KIFAP3: variants seen among roughly 807,000 people sequenced by gnomAD.
The protein encoded by KIFAP3 is kinesin associated protein 3.
KIFAP3 carries 68 observed loss-of-function variants against 106.5 expected under a neutral mutation model. That is an observed-to-expected ratio of 0.64 (90% CI 0.53 to 0.78). The LOEUF (loss-of-function observed/expected upper bound fraction) is 0.78, where lower values mean the gene tolerates loss of function less well. Ranked by LOEUF, KIFAP3 falls within the 30% of genes least tolerant of loss-of-function variation. The pLI, the probability that KIFAP3 is intolerant of heterozygous loss-of-function variation, is 0.00. For missense variants in KIFAP3, 780 were observed against 941.8 expected (o/e 0.83, Z 2.25); for synonymous variants, 320 against 311.5 (o/e 1.03, Z -0.29).
intron 9 of KIFAP3, 68 bp from the exon 10 acceptor site, chr1:170,016,692 T>C: frequency 1.0e-6 from 1 of 995,150 alleles, no homozygotes; most frequent in Non-Finnish European, 1.4e-6. Flanking sequence ...AATATAATTA[T>C]TTTTTCTTTG....
At chr1:170,030,272 A>T (rs1669333407) in intron 8 of KIFAP3, among the ~76,000 whole-genome samples, 1 of 151,972 alleles carries the variant, frequency 6.6e-6, no homozygotes, top group African/African-American at 2.4e-5. Context: ...AAAGTTATGA[A>T]GGCACACTTC....
At chr1:170,070,563 T>C (rs1671655984) in intron 1 of KIFAP3, among the ~76,000 whole-genome samples, 1 of 152,140 alleles carries the variant, frequency 6.6e-6, no homozygotes, top group African/African-American at 2.4e-5. Flanking sequence ...AGTCAATTGT[T>C]CTTTTCTGAC....
At chr1:170,009,099 T>C (rs1668117776) in intron 10 of KIFAP3, among the ~76,000 whole-genome samples, 2 of 151,898 alleles carry the variant, frequency 1.3e-5, no homozygotes, top group Non-Finnish European at 2.9e-5. Flanking sequence ...CACCAGGACC[T>C]GTCGGGTGGT....
chr1:170,085,083 A>T (rs1339666299), exon 1 of KIFAP3: 4 of 152,242 alleles, frequency 2.6e-5, no homozygotes. Context: ...GGGCCCAAGG[A>T]GCCCATATCC....
intron 19 of KIFAP3, among the ~76,000 whole-genome samples, chr1:169,925,626 C>T (rs1663092653): frequency 6.6e-6 from 1 of 151,882 alleles, no homozygotes; most frequent in Non-Finnish European, 1.5e-5. Context: ...TGATATGATT[C>T]AGAGCAGGAA....
At chr1:170,026,426 T>C (rs1258250572) in intron 8 of KIFAP3, among the ~76,000 whole-genome samples, 1 of 152,174 alleles carries the variant, frequency 6.6e-6, no homozygotes, top group East Asian at 1.9e-4. Flanking sequence ...CAGTAATCCC[T>C]GAGAGATAAG....
At chr1:170,077,220 G>A (rs1198047922), upstream of KIFAP3, among the ~76,000 whole-genome samples, 1 of 152,172 alleles carries the variant, frequency 6.6e-6, no homozygotes, top group East Asian at 1.9e-4. Context: ...CAGGATGTGG[G>A]CGGGGCCAAA....
intron 10 of KIFAP3, among the ~76,000 whole-genome samples, chr1:170,013,478 C>CATATAT (rs60542659): frequency 1.2e-4 from 17 of 140,558 alleles, no homozygotes; most frequent in African/African-American, 4.1e-4. Context: ...AACTGACATA[C>CATATAT]ATATATATAT....
intron 3 of KIFAP3, among the ~76,000 whole-genome samples, chr1:170,040,657 T>A (rs1407667189): frequency 5.3e-5 from 8 of 152,078 alleles, no homozygotes. Flanking sequence ...TCTACTTGGA[T>A]TTATTGGACT....
At chr1:169,937,160 T>A (rs1380922809) in intron 19 of KIFAP3, among the ~76,000 whole-genome samples, 1 of 151,482 alleles carries the variant, frequency 6.6e-6, no homozygotes, top group Non-Finnish European at 1.5e-5. Context: ...AAAAATTATA[T>A]TTTTAACCCT....
intron 5 of KIFAP3, 122 bp downstream of exon 5, chr1:170,038,168 C>T: frequency 1.3e-6 from 1 of 771,006 alleles, no homozygotes; most frequent in Non-Finnish European, 2.0e-6. Context: ...GCTACACTCT[C>T]AATTTAAGAA....
Position 169,984,612 on chromosome 1 carries a change from T to C in KIFAP3, c.1363A>G (p.Asn455Asp). 1.9e-6 allele frequency: 3 copies of C among 1,606,516 alleles called. No individual in the cohort carries two copies. The highest frequency in any genetic ancestry group is 2.2e-5 in the East Asian group (1 of 44,674). Residue 455 changes from asparagine to aspartate, a missense_variant, in exon 12 of 20, where the codon AAC becomes GAC. Coordinates refer to ENST00000361580, the MANE Select transcript of KIFAP3 (RefSeq NM_014970.4). Reference protein sequence around the residue: ...LISFCINLAANKRNVQLICEG... With the variant: ...LISFCINLAADKRNVQLICEG... ...CAGATAAGCTGTACATTTCTTTTGT[T>C]AGCAGCAAGATTAATGCAGAAAGAA...
intron 19 of KIFAP3, among the ~76,000 whole-genome samples, chr1:169,953,589 A>T (rs954862196): frequency 3.3e-5 from 5 of 151,890 alleles, no homozygotes; most frequent in African/African-American, 1.2e-4. Context: ...ATCTCGGCTC[A>T]CTGTAAGCTC....
chr1:169,927,559 C>T (rs1261650721), intron 19 of KIFAP3, among the ~76,000 whole-genome samples: 1 of 152,174 alleles, frequency 6.6e-6, no homozygotes, highest in East Asian at 1.9e-4. Context: ...AAATAAACAC[C>T]ATGGAGGGCA....
chr1:169,984,546 AT>A, intron 12 of KIFAP3, 35 bp downstream of exon 12: 1 of 937,126 alleles, frequency 1.1e-6, no homozygotes. Context: ...CAAATACCAT[AT>A]GCTAAAAAAG....
chr1:170,041,020 T>G (rs1669947638), intron 3 of KIFAP3, among the ~76,000 whole-genome samples: 1 of 152,058 alleles, frequency 6.6e-6, no homozygotes, highest in South Asian at 2.1e-4. Flanking sequence ...AGATGGGGTT[T>G]CACCATGTTG....
intron 17 of KIFAP3, among the ~76,000 whole-genome samples, chr1:169,963,708 G>A (rs1665458408): frequency 6.6e-6 from 1 of 152,068 alleles, no homozygotes; most frequent in Non-Finnish European, 1.5e-5. Flanking sequence ...TGGCCAGGCT[G>A]GTCTTGAACT....
intron 1 of KIFAP3, among the ~76,000 whole-genome samples, chr1:170,062,983 C>T (rs74461439): frequency 0.018 from 2,789 of 152,100 alleles, 72 homozygotes; most frequent in African/African-American, 0.063. Context: ...AACCTTACTC[C>T]ATCTTGCTTC....
chr1:170,064,090 T>C (rs895023676), intron 1 of KIFAP3, among the ~76,000 whole-genome samples: 1 of 152,214 alleles, frequency 6.6e-6, no homozygotes, highest in Non-Finnish European at 1.5e-5. Context: ...GGGAGGTATA[T>C]AGATGTTACA....
Sources: gnomAD v4.1 joint callset for allele counts (sites outside exome capture counted in the v4.1 genomes callset) on GRCh38, gnomAD v4.1.1 for gene constraint, MANE v1.5 for transcripts, NCBI Gene and HGNC (gene_info 2026-07-23, HGNC 2026-07-21) for gene names.